Variants in ENTPD5 observed in about 807,000 individuals in gnomAD.
ENTPD5 encodes the protein nucleoside diphosphate phosphatase ENTPD5.
In ENTPD5, 49 loss-of-function variants were observed where a neutral mutation model predicts 60.2. The observed-to-expected ratio is 0.81, with a 90% confidence interval of 0.65 to 1.03. The LOEUF (loss-of-function observed/expected upper bound fraction) is 1.03, where lower values mean the gene tolerates loss of function less well. ENTPD5 is among the 50% of genes least tolerant of loss of function. ENTPD5 has a pLI of 0.00. For synonymous variants in ENTPD5, 187 were observed against 185.4 expected, an observed-to-expected ratio of 1.01 and a Z score of -0.07; for missense variants, 480 against 507.6, an observed-to-expected ratio of 0.95 and a Z score of 0.52.
chr14:74,018,694 T>C (rs912225355), intron 1 of ENTPD5: 1 of 152,138 alleles, frequency 6.6e-6, no homozygotes, highest in African/African-American at 2.4e-5. Context: ...CAGGACCTAG[T>C]GAGGCCGAGG....
chr14:73,966,971 C>T lies in ENTPD5; in HGVS notation c.1244G>A (p.Gly415Glu). 1 of 1,614,182 alleles carries T rather than the reference C, an allele frequency of 6.2e-7. No individual in the cohort carries two copies. Among genetic ancestry groups the T allele is most frequent in the East Asian group, 2.2e-5 (1 of 44,888 alleles). The stretch of plus-strand genomic sequence containing the variant: ...AGACTGCAACAGGTGAAAGGTGGCC[C>T]CCAAGGCCCAGCCCGTCTCTATGTT... ...VNNIETGWAL[G>E]ATFHLLQSLG... Residue 415 changes from glycine to glutamate, a missense_variant, in exon 16 of 16, where the codon GGG becomes GAG. Physicochemically the swap from Gly to Glu is moderately conservative, Grantham distance 98 (BLOSUM62 -2). Coordinates refer to ENST00000334696, the MANE Select transcript of ENTPD5 (RefSeq NM_001249.5).
At chr14:73,990,257 T>C (rs1053111034) in intron 3 of ENTPD5, among the ~76,000 whole-genome samples, 2 of 152,152 alleles carry the variant, frequency 1.3e-5, no homozygotes, top group Non-Finnish European at 2.9e-5. Context: ...GCTCCTATTG[T>C]TGAGTCTAAT....
rs2140445262 is a variant in ENTPD5 at position 73,965,428 on chromosome 14, T to C, written c.*1500A>G. The C allele has an allele frequency of 6.6e-6, 1 of 152,322 alleles. No individual in the cohort carries two copies. Among genetic ancestry groups the C allele is most frequent in the South Asian group, 2.1e-4 (1 of 4,826 alleles). 9.4% of individuals were successfully genotyped at this position (152,322 alleles called of 1,614,324 possible). On this transcript the variant is annotated 3_prime_UTR_variant, in exon 16 of 16. Transcript: ENST00000334696. ...GGCAGATGAGAAGCAGGGATGATTA[T>C]GTTGAAAGTGCAAGATAAGGCCAGG...
downstream of ENTPD5, chr14:73,961,593 G>C: frequency 6.2e-7 from 1 of 1,612,186 alleles, no homozygotes; most frequent in Non-Finnish European, 8.5e-7. Flanking sequence ...ATACTATGGG[G>C]AAGTATCCAG....
downstream of ENTPD5, chr14:73,955,856 G>C (rs1346501800): frequency 1.2e-6 from 2 of 1,614,008 alleles, no homozygotes; most frequent in African/African-American, 1.3e-5. Context: ...GGATAATTTA[G>C]ATGACATGGG....
intron 6 of ENTPD5, among the ~76,000 whole-genome samples, chr14:73,980,366 G>C (rs545804115): frequency 2.6e-5 from 4 of 151,434 alleles, no homozygotes; most frequent in African/African-American, 7.3e-5. Context: ...CCAAGTTCAA[G>C]CAATTCTCCT....
At chr14:74,009,921 A>G (rs2058795799) in intron 3 of ENTPD5, among the ~76,000 whole-genome samples, 1 of 152,042 alleles carries the variant, frequency 6.6e-6, no homozygotes, top group African/African-American at 2.4e-5. Flanking sequence ...CCTCCTGAGT[A>G]GCAGGGACTA....
intron 3 of ENTPD5, among the ~76,000 whole-genome samples, chr14:73,988,823 T>C (rs77704848): frequency 6.6e-6 from 1 of 152,132 alleles, no homozygotes; most frequent in Non-Finnish European, 1.5e-5. Context: ...CCTTTGCTTT[T>C]TTTTATTTTA....
At chr14:74,014,913 T>C (rs572654424) in intron 2 of ENTPD5, among the ~76,000 whole-genome samples, 239 of 152,040 alleles carry the variant, frequency 1.6e-3, no homozygotes, top group Middle Eastern at 0.01. Flanking sequence ...TGAAACCCTG[T>C]CTCTACTAAA....
chr14:74,003,027 T>C (rs2058559595), intron 3 of ENTPD5, among the ~76,000 whole-genome samples: 1 of 152,222 alleles, frequency 6.6e-6, no homozygotes, highest in Admixed American at 6.6e-5. Flanking sequence ...ATCCACTTGA[T>C]GAATTCCTGC....
At chr14:73,991,213 A>C (rs1473884370) in intron 3 of ENTPD5, among the ~76,000 whole-genome samples, 1 of 152,160 alleles carries the variant, frequency 6.6e-6, no homozygotes, top group East Asian at 1.9e-4. Context: ...CCTCCTGCAA[A>C]GCTCAGACTG....
chr14:73,987,258 C>T (rs1334994582), intron 4 of ENTPD5: 2 of 658,508 alleles, frequency 3.0e-6, no homozygotes, highest in Non-Finnish European at 5.5e-6. Flanking sequence ...AACCACTCCC[C>T]ATATTCTGAA....
intron 5 of ENTPD5, among the ~76,000 whole-genome samples, chr14:73,984,085 C>T (rs759921907): frequency 1.8e-4 from 27 of 151,472 alleles, no homozygotes; most frequent in Non-Finnish European, 2.8e-4. Flanking sequence ...TGGAGTGCAA[C>T]GGCACAATCT....
intron 5 of ENTPD5, among the ~76,000 whole-genome samples, 161 bp from the exon 6 acceptor site, chr14:73,983,322 T>C (rs1321931319): frequency 4.6e-5 from 7 of 152,046 alleles, no homozygotes; most frequent in Non-Finnish European, 8.8e-5. Context: ...AGTGGGCCGC[T>C]TTGAAGGAGA....
intron 3 of ENTPD5, among the ~76,000 whole-genome samples, chr14:74,004,454 C>T (rs1207375456): frequency 1.3e-5 from 2 of 152,134 alleles, no homozygotes; most frequent in Non-Finnish European, 2.9e-5. Context: ...TGAGCCATTG[C>T]GCCCGGCCTA....
At chr14:73,967,729 G>C (rs1001360677) in intron 15 of ENTPD5, among the ~76,000 whole-genome samples, 3 of 150,088 alleles carry the variant, frequency 2.0e-5, no homozygotes, top group Non-Finnish European at 4.4e-5. Flanking sequence ...GAACCCGGGA[G>C]GCAGAGGTTG....
chr14:73,966,825 G>A lies in ENTPD5; in HGVS notation c.*103C>T, dbSNP rs2056990338. ...AAAATTAATTAAACCTAAATCTCTAGGCTCAAGTCCAGGATGTCCCCAGAC... is the reference window on the plus strand; with the variant it reads ...AAAATTAATTAAACCTAAATCTCTAAGCTCAAGTCCAGGATGTCCCCAGAC... On this transcript the variant is annotated 3_prime_UTR_variant, in exon 16 of 16. Transcript: ENST00000334696. The A allele has an allele frequency of 1.2e-6, 1 of 859,436 alleles. No individual in the cohort carries two copies. Among genetic ancestry groups the A allele is most frequent in the South Asian group, 1.5e-5 (1 of 68,490 alleles). 53.2% of individuals were successfully genotyped at this position (859,436 alleles called of 1,614,324 possible). A position where few individuals can be genotyped will look rare whatever the true frequency, so the allele number is the denominator to read the frequency against.
chr14:73,976,326 C>G lies in ENTPD5; in HGVS notation c.640G>C (p.Glu214Gln). 1 of 1,613,906 alleles carries G rather than the reference C, an allele frequency of 6.2e-7. No individual in the cohort carries two copies. The highest frequency in any genetic ancestry group is 8.5e-7 in the Non-Finnish European group (1 of 1,179,800). Reference protein sequence around the residue: ...STQITFLPQFEKTLEQTPRGY... With the variant: ...STQITFLPQFQKTLEQTPRGY... ...CAGATCTTCATTAAATGACTCACCT[C>G]AAACTGGGGCAGGAACGTGATTTGG... The change falls in exon 9 of 16, where the codon GAG becomes CAG. Residue 214 changes from glutamate (E) to glutamine (Q), a missense_variant and splice_region_variant. Transcript: ENST00000334696.
chr14:74,016,559 C>A (rs1047332514), intron 1 of ENTPD5, among the ~76,000 whole-genome samples: 1 of 152,168 alleles, frequency 6.6e-6, no homozygotes, highest in South Asian at 2.1e-4. Context: ...TCACTTAAGT[C>A]CAGGAGGTCG....
Sources: gnomAD v4.1 joint callset for allele counts (sites outside exome capture counted in the v4.1 genomes callset) on GRCh38, gnomAD v4.1.1 for gene constraint, MANE v1.5 for transcripts, NCBI Gene and HGNC (gene_info 2026-07-23, HGNC 2026-07-21) for gene names.